ROBO1: variants seen among roughly 807,000 people sequenced by gnomAD.
ROBO1 encodes the protein roundabout guidance receptor 1.
In ROBO1, 149 loss-of-function variants were observed where a neutral mutation model predicts 195.9. The observed-to-expected ratio is 0.76, with a 90% CI of 0.67 to 0.87. The LOEUF is 0.87. ROBO1 is among the 40% of genes least tolerant of loss of function. The pLI is 0.00. For missense variants in ROBO1, 1,933 were observed against 2,068.3 expected (o/e 0.93, Z 1.27); for synonymous variants, 816 against 733.2 (o/e 1.11, Z -1.82).
Position 78,938,744 on chromosome 3 carries a change from C to G in ROBO1, c.356G>C (p.Arg119Pro). ...ETDKDDPRSH[R>P]MLLPSGSLFF... ...TAAAGATCCACTCGGCAGCAACATTCGGTGTGAGCGAGGGTCATCTTTGTC... is the reference window on the plus strand; with the variant it reads ...TAAAGATCCACTCGGCAGCAACATTGGGTGTGAGCGAGGGTCATCTTTGTC... Residue 119 changes from arginine to proline, a missense_variant, in exon 4 of 31, where the codon CGA becomes CCA. Arg to Pro is a moderately radical substitution (Grantham distance 103). Around this residue, in one of 3 missense-constraint regions of ROBO1, gnomAD observed 185 missense variants for 159.5 expected, o/e 1.16. Coordinates refer to ENST00000464233, the MANE Select transcript of ROBO1 (RefSeq NM_002941.4). 6.2e-7 allele frequency: 1 copy of G among 1,613,978 alleles called. No homozygotes were observed. Among genetic ancestry groups the G allele is most frequent in the Non-Finnish European group, 8.5e-7 (1 of 1,179,896 alleles).
At chr3:78,770,834 G>C (rs2083354451) in intron 4 of ROBO1, among the ~76,000 whole-genome samples, 1 of 152,120 alleles carries the variant, frequency 6.6e-6, no homozygotes, top group Non-Finnish European at 1.5e-5. Flanking sequence ...TGAGGCCAAG[G>C]CTGGAGGATC....
chr3:79,172,258 T>C (rs2081181182), intron 2 of ROBO1, among the ~76,000 whole-genome samples: 1 of 152,248 alleles, frequency 6.6e-6, no homozygotes, highest in Non-Finnish European at 1.5e-5. Flanking sequence ...AAATGTGTTT[T>C]AGCCAGTTGG....
chr3:78,727,637 C>T (rs1258831377), intron 5 of ROBO1, among the ~76,000 whole-genome samples: 1 of 152,172 alleles, frequency 6.6e-6, no homozygotes, highest in Non-Finnish European at 1.5e-5. Flanking sequence ...AAAAAAACTA[C>T]ATCTCTTATT....
At position 79,681,462 on chromosome 3, in the gene ROBO1, A is replaced by C. The variant is rs192965171; in HGVS notation, c.-51+86290T>G. Among the ~76,000 whole-genome samples, 4 of 152,172 alleles carry C rather than the reference A, an allele frequency of 2.6e-5. No homozygotes were observed. The East Asian group carries it at 7.7e-4, about 29-fold the overall frequency. On this transcript the variant is annotated intron_variant, in intron 1 of 30. Coordinates refer to ENST00000464233, the MANE Select transcript of ROBO1 (RefSeq NM_002941.4). ...AGTAAGTGCCAGAGGCCACTGGGAA[A>C]GGAATCCAGAAGTAGGAAATGAGTG...
intron 3 of ROBO1, among the ~76,000 whole-genome samples, chr3:79,040,797 T>C (rs1290171457): frequency 1.3e-5 from 2 of 152,326 alleles, no homozygotes; most frequent in East Asian, 1.9e-4. Flanking sequence ...AGTTATCTTT[T>C]TCTTTTCAAC....
intron 2 of ROBO1, among the ~76,000 whole-genome samples, chr3:79,233,091 A>G (rs1488121697): frequency 5.3e-5 from 8 of 152,126 alleles, no homozygotes. Context: ...GGCAGTGAAA[A>G]TTGTAAGAAT....
At chr3:78,626,756 TACAC>T (rs10608986) in intron 26 of ROBO1, among the ~76,000 whole-genome samples, 44,906 of 146,368 alleles carry the variant, frequency 0.31, 6,695 homozygotes, top group East Asian at 0.45. Context: ...AGCACACACA[TACAC>T]ACACACACAC....
intron 2 of ROBO1, among the ~76,000 whole-genome samples, chr3:79,439,815 G>A (rs572825489): frequency 1.2e-4 from 19 of 152,116 alleles, no homozygotes; most frequent in African/African-American, 4.1e-4. Flanking sequence ...TTCTTAGTTG[G>A]AGAGAAACCT....
chr3:79,403,661 A>T (rs892704539), intron 2 of ROBO1, among the ~76,000 whole-genome samples: 37 of 152,202 alleles, frequency 2.4e-4, no homozygotes, highest in African/African-American at 7.7e-4. Context: ...CTAATTTTAA[A>T]ATCAAAGTCA....
At position 79,077,959 on chromosome 3, in the gene ROBO1, T is replaced by G. The variant is rs546153735; in HGVS notation, c.172+47497A>C. ...ATAGTAAGTGTTCAGTGCTAGTTAT[T>G]ATGAGTGATGAACTTGCGTTGTAAA... On this transcript the variant is annotated intron_variant, in intron 3 of 30. Transcript: ENST00000464233. 4.6e-5 allele frequency among the ~76,000 whole-genome samples: 7 copies of G among 151,950 alleles called. No individual in the cohort carries two copies. In the South Asian group the frequency reaches 1.4e-3, roughly 31 times the overall value.
chr3:78,817,057 G>T (rs957833177), intron 4 of ROBO1, among the ~76,000 whole-genome samples: 1 of 152,168 alleles, frequency 6.6e-6, no homozygotes, highest in South Asian at 2.1e-4. Flanking sequence ...GTTTGAGAGG[G>T]TTAACTACCA....
intron 5 of ROBO1, among the ~76,000 whole-genome samples, chr3:78,741,768 T>C (rs2082539456): frequency 6.6e-6 from 1 of 152,162 alleles, no homozygotes; most frequent in South Asian, 2.1e-4. Context: ...AGTAAATCAA[T>C]TTAATCTAGC....
At chr3:79,362,055 A>G (rs1224894731) in intron 2 of ROBO1, among the ~76,000 whole-genome samples, 1 of 152,034 alleles carries the variant, frequency 6.6e-6, no homozygotes, top group Non-Finnish European at 1.5e-5. Flanking sequence ...GGTAGATATG[A>G]ATTTTAGGAT....
At chr3:79,198,393 C>G (rs2081686167) in intron 2 of ROBO1, among the ~76,000 whole-genome samples, 1 of 151,980 alleles carries the variant, frequency 6.6e-6, no homozygotes, top group Non-Finnish European at 1.5e-5. Flanking sequence ...TTCCATTGGT[C>G]TATATATCTG....
At chr3:79,674,354 T>C (rs980192495) in intron 1 of ROBO1, among the ~76,000 whole-genome samples, 1 of 151,988 alleles carries the variant, frequency 6.6e-6, no homozygotes, top group Non-Finnish European at 1.5e-5. Context: ...TAATTAATAT[T>C]TTAAAGCATA....
chr3:78,783,297 A>G (rs1387471553), intron 4 of ROBO1, among the ~76,000 whole-genome samples: 1 of 152,104 alleles, frequency 6.6e-6, no homozygotes, highest in African/African-American at 2.4e-5. Context: ...GGAACAATAT[A>G]TTTTTTTAAA....
intron 2 of ROBO1, among the ~76,000 whole-genome samples, chr3:79,325,947 C>T (rs1448368633): frequency 3.5e-4 from 54 of 152,210 alleles, no homozygotes. Flanking sequence ...CAGCAAGGAA[C>T]ATCCCTGGGA....
chr3:79,264,791 A>G (rs544858653), intron 2 of ROBO1, among the ~76,000 whole-genome samples: 26 of 152,066 alleles, frequency 1.7e-4, no homozygotes, highest in Non-Finnish European at 3.1e-4. Flanking sequence ...TTGGACAGCA[A>G]TAAGTAGGCA....
At chr3:78,712,017 C>CAAAAAAAAAAAAAAAAAAAAAA (rs56267632) in intron 8 of ROBO1, among the ~76,000 whole-genome samples, 1 of 76,422 alleles carries the variant, frequency 1.3e-5, no homozygotes, top group African/African-American at 5.4e-5. Context: ...AAGACCTTGG[C>CAAAAAAAAAAAAAAAAAAAAAA]AAAAAAAAAA....
Sources: gnomAD v4.1 joint callset for allele counts (sites outside exome capture counted in the v4.1 genomes callset) on GRCh38, gnomAD v4.1.1 for gene constraint, gnomAD v4.1.1 regional missense constraint, MANE v1.5 for transcripts, NCBI Gene and HGNC (gene_info 2026-07-23, HGNC 2026-07-21) for gene names.